MYO3A: variants seen among roughly 807,000 people sequenced by gnomAD.
The protein encoded by MYO3A is myosin-IIIa.
MYO3A carries 180 observed loss-of-function variants against 192.7 expected under a neutral mutation model. That is an observed-to-expected ratio of 0.93 (90% CI 0.83 to 1.06). The LOEUF (loss-of-function observed/expected upper bound fraction) is 1.06. Among genes scored for constraint, MYO3A ranks in the 50% least tolerant of loss-of-function variants. MYO3A has a pLI of 0.00. For missense variants in MYO3A, 1,896 were observed against 1,905.0 expected (o/e 1.00, Z 0.09); for synonymous variants, 628 against 645.3 (o/e 0.97, Z 0.41).
intron 4 of MYO3A, among the ~76,000 whole-genome samples, chr10:25,987,104 G>T (rs1469090182): frequency 6.6e-6 from 1 of 152,028 alleles, no homozygotes; most frequent in African/African-American, 2.4e-5. Flanking sequence ...AAAACATAAA[G>T]TGGGGAAAGG....
At chr10:26,203,800 C>A (rs186698193) in intron 34 of MYO3A, among the ~76,000 whole-genome samples, 1 of 152,272 alleles carries the variant, frequency 6.6e-6, no homozygotes, top group Admixed American at 6.5e-5. Flanking sequence ...CTAGGGTCCT[C>A]AGAACCCTCA....
At chr10:26,108,431 A>T (rs890446517) in intron 17 of MYO3A, among the ~76,000 whole-genome samples, 17 of 152,268 alleles carry the variant, frequency 1.1e-4, no homozygotes, top group African/African-American at 4.1e-4. Context: ...TTCTCAAAAA[A>T]ATTAGAAAAT....
intron 10 of MYO3A, among the ~76,000 whole-genome samples, chr10:26,033,062 CTTATT>C (rs566589327): frequency 3.3e-5 from 5 of 152,030 alleles, no homozygotes; most frequent in South Asian, 2.1e-4. Flanking sequence ...TCTTTGTTCC[CTTATT>C]TTATTTTATT....
chr10:26,130,223 G>C (rs1175129713), intron 20 of MYO3A, among the ~76,000 whole-genome samples: 2 of 151,942 alleles, frequency 1.3e-5, no homozygotes, highest in East Asian at 3.9e-4. Context: ...TTCTGCCTCA[G>C]CCTCCCAAGT....
intron 29 of MYO3A, among the ~76,000 whole-genome samples, chr10:26,171,476 C>T (rs538535938): frequency 1.3e-5 from 2 of 152,278 alleles, no homozygotes; most frequent in African/African-American, 4.8e-5. Flanking sequence ...ACTTCTCTGC[C>T]ACCTCTTCCC....
intron 10 of MYO3A, among the ~76,000 whole-genome samples, chr10:26,065,664 A>AGCAGAT (rs1370540840): frequency 2.0e-5 from 3 of 151,732 alleles, no homozygotes; most frequent in African/African-American, 7.3e-5. Context: ...GAAATAGAAC[A>AGCAGAT]GCAGATGGAG....
chr10:26,021,179 A>G (rs780792986), intron 7 of MYO3A, among the ~76,000 whole-genome samples: 9 of 152,024 alleles, frequency 5.9e-5, no homozygotes, highest in Non-Finnish European at 1.3e-4. Context: ...CCACTGCCCA[A>G]TCTTTAGCTG....
intron 22 of MYO3A, among the ~76,000 whole-genome samples, chr10:26,145,819 GTT>G (rs1282096420): frequency 6.6e-6 from 1 of 152,126 alleles, no homozygotes; most frequent in Non-Finnish European, 1.5e-5. Context: ...ACAATCATAA[GTT>G]TATAGTTTTT....
chr10:26,034,543 A>C (rs1842940470), intron 10 of MYO3A, among the ~76,000 whole-genome samples: 1 of 152,244 alleles, frequency 6.6e-6, no homozygotes, highest in Non-Finnish European at 1.5e-5. Flanking sequence ...TGAAAACAAG[A>C]TAACCTAGAG....
chr10:26,182,419 T>C (rs528235976), intron 31 of MYO3A, among the ~76,000 whole-genome samples: 1 of 152,316 alleles, frequency 6.6e-6, no homozygotes, highest in Non-Finnish European at 1.5e-5. Context: ...AATACTGGTA[T>C]ATTTCAGCTC....
At chr10:26,155,410 G>A (rs1363865289) in intron 25 of MYO3A, among the ~76,000 whole-genome samples, 1 of 152,040 alleles carries the variant, frequency 6.6e-6, no homozygotes, top group African/African-American at 2.4e-5. Context: ...TTTCCTCTGT[G>A]CTCTAGATAA....
At chr10:25,979,267 A>G (rs1191918827) in intron 4 of MYO3A, among the ~76,000 whole-genome samples, 1 of 152,190 alleles carries the variant, frequency 6.6e-6, no homozygotes, top group Non-Finnish European at 1.5e-5. Flanking sequence ...ACTATTAAAA[A>G]TTTCCTGCTT....
At chr10:26,202,477 C>T (rs1028946479) in intron 33 of MYO3A, among the ~76,000 whole-genome samples, 2 of 152,106 alleles carry the variant, frequency 1.3e-5, no homozygotes, top group Non-Finnish European at 2.9e-5. Flanking sequence ...GAAATTAATC[C>T]GCTAAAGAAC....
At position 26,145,545 on chromosome 10, in the gene MYO3A, T is replaced by A; in HGVS notation, c.2505+11T>A. 1 of 1,550,294 alleles carries A rather than the reference T, an allele frequency of 6.5e-7. No individual in the cohort carries two copies. The highest frequency in any genetic ancestry group is 8.9e-7 in the Non-Finnish European group (1 of 1,121,936). ...CATTATGCAGGAAAGGTAAGAACTCTAAAGAATTATGACTGAGTTTCTCCT... is the reference window on the plus strand; with the variant it reads ...CATTATGCAGGAAAGGTAAGAACTCAAAAGAATTATGACTGAGTTTCTCCT... On this transcript the variant is annotated intron_variant, in intron 22 of 34. Transcript: ENST00000642920.
chr10:26,151,816 A>C (rs892888094), intron 23 of MYO3A, among the ~76,000 whole-genome samples: 1 of 152,206 alleles, frequency 6.6e-6, no homozygotes, highest in Non-Finnish European at 1.5e-5. Flanking sequence ...AAGCTGGCAC[A>C]ATCAGAGGGC....
rs193234046 is a variant in MYO3A, at chr10:25,985,103, C to T, written c.304-11387C>T. On this transcript the variant is annotated intron_variant, in intron 4 of 34. Coordinates refer to ENST00000642920, the MANE Select transcript of MYO3A (RefSeq NM_017433.5). The stretch of plus-strand genomic sequence containing the variant: ...AATTCAAAAAATTAGCCAGGCATGG[C>T]GGTGTGTGCCTGTCGTCCCAGCTAC... 1.5e-3 allele frequency among the ~76,000 whole-genome samples: 232 copies of T among 151,840 alleles called. 1 individual carries two copies. The highest frequency in any genetic ancestry group is 5.0e-3 in the African/African-American group (206 of 41,422).
At chr10:26,010,458 T>G (rs1451707401) in intron 6 of MYO3A, among the ~76,000 whole-genome samples, 5 of 128,854 alleles carry the variant, frequency 3.9e-5, no homozygotes, top group East Asian at 3.9e-4. Flanking sequence ...TTGTTTTTTT[T>G]TTTTTTTTTT....
intron 17 of MYO3A, among the ~76,000 whole-genome samples, chr10:26,108,481 G>A (rs936165278): frequency 3.9e-5 from 6 of 152,112 alleles, no homozygotes; most frequent in African/African-American, 1.2e-4. Context: ...GCTAATAGAC[G>A]TGAAACTTTA....
chr10:26,011,004 T>C (rs1362137139), intron 6 of MYO3A, among the ~76,000 whole-genome samples: 2 of 150,632 alleles, frequency 1.3e-5, no homozygotes, highest in Admixed American at 1.3e-4. Flanking sequence ...GCATTCTGTT[T>C]ACTTTGTGGA....
Sources: allele counts gnomAD v4.1 joint callset (sites outside exome capture counted in the v4.1 genomes callset), GRCh38; gene constraint gnomAD v4.1.1; transcripts MANE v1.5; gene names NCBI Gene and HGNC (gene_info 2026-07-23, HGNC 2026-07-21).